KCNQ5: variants seen among roughly 807,000 people sequenced by gnomAD.
KCNQ5 encodes potassium voltage-gated channel subfamily Q member 5, also known as potassium voltage-gated channel subfamily KQT member 5.
KCNQ5 carries 30 observed loss-of-function variants against 98.2 expected under a neutral mutation model. The observed-to-expected ratio is 0.31, with a 90% confidence interval of 0.23 to 0.41. The LOEUF (loss-of-function observed/expected upper bound fraction) is 0.41. KCNQ5 is among the 10% of genes least tolerant of loss of function. The pLI, the probability that KCNQ5 is intolerant of heterozygous loss-of-function variation, is 1.00. For synonymous variants in KCNQ5, 458 were observed against 449.4 expected (o/e 1.02, Z -0.24); for missense variants, 835 against 1,182.5 (o/e 0.71, Z 4.31).
intron 1 of KCNQ5, among the ~76,000 whole-genome samples, chr6:72,856,844 G>A (rs1201196067): frequency 6.6e-6 from 1 of 152,206 alleles, no homozygotes; most frequent in Non-Finnish European, 1.5e-5. Flanking sequence ...TGATGTAGCT[G>A]CACACACCCC....
chr6:72,773,354 C>A (rs1772999903), intron 1 of KCNQ5, among the ~76,000 whole-genome samples: 1 of 151,982 alleles, frequency 6.6e-6, no homozygotes, highest in African/African-American at 2.4e-5. Flanking sequence ...AGCTGGAAAC[C>A]ATCATTCTCA....
intron 1 of KCNQ5, among the ~76,000 whole-genome samples, chr6:72,693,007 G>A (rs1768289558): frequency 6.6e-6 from 1 of 152,056 alleles, no homozygotes; most frequent in Non-Finnish European, 1.5e-5. Flanking sequence ...TTGGGAAATG[G>A]ATTATTTTTT....
intron 1 of KCNQ5, among the ~76,000 whole-genome samples, chr6:72,765,600 G>A (rs905070883): frequency 6.6e-6 from 1 of 152,000 alleles, no homozygotes; most frequent in Non-Finnish European, 1.5e-5. Context: ...AGGGTCTTGA[G>A]GATCAGTATG....
chr6:72,632,183 G>T (rs2098921277), intron 1 of KCNQ5, among the ~76,000 whole-genome samples: 1 of 147,088 alleles, frequency 6.8e-6, no homozygotes, highest in African/African-American at 2.5e-5. Flanking sequence ...TATTGCCCAG[G>T]CTGGAGTTCG....
chr6:72,706,635 A>G (rs1255167901), intron 1 of KCNQ5, among the ~76,000 whole-genome samples: 1 of 152,098 alleles, frequency 6.6e-6, no homozygotes, highest in Non-Finnish European at 1.5e-5. Flanking sequence ...TAGGTTCTTT[A>G]CCTTAGTCAG....
chr6:72,819,390 A>G (rs1775648770), intron 1 of KCNQ5, among the ~76,000 whole-genome samples: 2 of 152,220 alleles, frequency 1.3e-5, no homozygotes, highest in African/African-American at 2.4e-5. Context: ...CTACTAAAAA[A>G]TCAACATATC....
chr6:72,783,091 A>G (rs1304826740), intron 1 of KCNQ5, among the ~76,000 whole-genome samples: 1 of 152,170 alleles, frequency 6.6e-6, no homozygotes, highest in African/African-American at 2.4e-5. Context: ...TTCAGAGACA[A>G]AGGAAAGAGG....
chr6:72,722,913 G>A (rs936364724), intron 1 of KCNQ5, among the ~76,000 whole-genome samples: 2 of 144,830 alleles, frequency 1.4e-5, no homozygotes, highest in African/African-American at 2.6e-5. Flanking sequence ...GTAGTGGCAC[G>A]ATCACAGCTC....
intron 1 of KCNQ5, among the ~76,000 whole-genome samples, chr6:72,899,561 A>C (rs1779394137): frequency 6.6e-6 from 1 of 152,176 alleles, no homozygotes; most frequent in African/African-American, 2.4e-5. Flanking sequence ...TTTTGATAAT[A>C]AAATATATTT....
chr6:72,811,550 TAA>T (rs1775242002), intron 1 of KCNQ5, among the ~76,000 whole-genome samples: 1 of 152,332 alleles, frequency 6.6e-6, no homozygotes, highest in Non-Finnish European at 1.5e-5. Flanking sequence ...GTAGTTTTCG[TAA>T]AAGAGTAAGA....
chr6:72,853,383 G>A lies in KCNQ5; in HGVS notation c.399-150525G>A, dbSNP rs541304515. Among the ~76,000 whole-genome samples, 11 of 152,092 alleles carry A rather than the reference G, an allele frequency of 7.2e-5. No homozygotes were observed. In the East Asian group the frequency reaches 7.7e-4, roughly 11 times the overall value. ...GGGGGAGACAGTATCTCCTTCTGTT[G>A]CCCAGGCTGGATTGCGGTGGTGCCA... On this transcript the variant is annotated intron_variant, in intron 1 of 13. Transcript: ENST00000370398.
chr6:72,740,529 A>G (rs1771075577), intron 1 of KCNQ5, among the ~76,000 whole-genome samples: 1 of 152,186 alleles, frequency 6.6e-6, no homozygotes, highest in South Asian at 2.1e-4. Context: ...TCAAAGAAAG[A>G]TTAAGTCCAA....
In KCNQ5 at chr6:73,109,439, A is replaced by G. The variant is rs1051588362; in HGVS notation, c.1030-1869A>G. 2.0e-5 allele frequency among the ~76,000 whole-genome samples: 3 copies of G among 152,222 alleles called. No individual in the cohort carries two copies. In the East Asian group the frequency reaches 5.8e-4, roughly 29 times the overall value. ...TATATGCACATAAATGCATGTATATATACTACATATTATAAATATATGCCA... is the reference window on the plus strand; with the variant it reads ...TATATGCACATAAATGCATGTATATGTACTACATATTATAAATATATGCCA... On this transcript the variant is annotated intron_variant, in intron 6 of 13. Coordinates refer to ENST00000370398, the MANE Select transcript of KCNQ5 (RefSeq NM_019842.4).
chr6:72,852,921 A>G (rs1227080241), intron 1 of KCNQ5, among the ~76,000 whole-genome samples: 2 of 151,998 alleles, frequency 1.3e-5, no homozygotes, highest in Non-Finnish European at 2.9e-5. Flanking sequence ...GAGAGCTACC[A>G]TTACAGACTT....
chr6:73,017,918 A>G (rs899790933), intron 2 of KCNQ5, among the ~76,000 whole-genome samples: 6 of 152,092 alleles, frequency 3.9e-5, no homozygotes, highest in African/African-American at 1.2e-4. Flanking sequence ...GTAGAAAGTA[A>G]AAGAGGACCA....
chr6:73,124,952 T>C (rs541249089), intron 9 of KCNQ5, among the ~76,000 whole-genome samples: 3 of 11,084 alleles, frequency 2.7e-4, no homozygotes, highest in Non-Finnish European at 4.7e-4. Flanking sequence ...TATATATATA[T>C]ATATATATAT....
At chr6:72,932,114 C>T (rs1765717915) in intron 1 of KCNQ5, among the ~76,000 whole-genome samples, 1 of 152,134 alleles carries the variant, frequency 6.6e-6, no homozygotes. Context: ...GCTAACAGAG[C>T]TTCCAATTAG....
chr6:72,866,324 G>T (rs923191950), intron 1 of KCNQ5, among the ~76,000 whole-genome samples: 3 of 140,616 alleles, frequency 2.1e-5, no homozygotes, highest in African/African-American at 8.2e-5. Flanking sequence ...GTGTGATCTC[G>T]GCCCACTGCA....
intron 1 of KCNQ5, among the ~76,000 whole-genome samples, chr6:72,647,025 G>A (rs1055216791): frequency 6.6e-6 from 1 of 152,168 alleles, no homozygotes; most frequent in African/African-American, 2.4e-5. Context: ...ATCACGTCTT[G>A]TAAATCTGGG....
Sources: allele counts gnomAD v4.1 joint callset (sites outside exome capture counted in the v4.1 genomes callset), GRCh38; gene constraint gnomAD v4.1.1; transcripts MANE v1.5; gene names NCBI Gene and HGNC (gene_info 2026-07-23, HGNC 2026-07-21).